The following DAGLB variants were observed in gnomAD, a reference collection of about 807,000 sequenced individuals.
DAGLB encodes diacylglycerol lipase beta.
A neutral mutation model predicts 72.1 loss-of-function variants in DAGLB; 66 were observed. The observed-to-expected ratio is 0.92, with a 90% CI of 0.75 to 1.12. DAGLB has a LOEUF of 1.12. Among genes scored for constraint, DAGLB ranks in the 50% most tolerant of loss-of-function variants. The pLI is 0.00. For synonymous variants in DAGLB, 414 were observed against 359.5 expected (o/e 1.15, Z -1.71); for missense variants, 1,065 against 884.9 (o/e 1.20, Z -2.58).
At position 6,421,634 on chromosome 7, in the gene DAGLB, G is replaced by C. The variant is rs527354169; in HGVS notation, c.1218+93C>G. 116 of 1,279,976 alleles carry C rather than the reference G, an allele frequency of 9.1e-5. 3 individuals are homozygous for C. The East Asian group carries it at 2.5e-3, about 28-fold the overall frequency. 79.3% of individuals were successfully genotyped at this position (1,279,976 alleles called of 1,614,324 possible). A position where few individuals can be genotyped will look rare whatever the true frequency, so the allele number is the denominator to read the frequency against. On this transcript the variant is annotated intron_variant, in intron 9 of 14. Coordinates refer to ENST00000297056, the MANE Select transcript of DAGLB (RefSeq NM_139179.4). ...AGGCGCAGGCAGCGCGGGAGGCGCA[G>C]GCAGCGCGGGCTCTGTGCAGTCCCT...
intron 2 of DAGLB, 111 bp from the exon 3 acceptor site, chr7:6,436,644 G>A (rs764381220): frequency 1.4e-5 from 19 of 1,330,844 alleles, no homozygotes; most frequent in Middle Eastern, 1.8e-4. Flanking sequence ...GTGCACACCC[G>A]CCTCCTGACT....
chr7:6,435,504 T>C lies in DAGLB; in HGVS notation c.420-484A>G, dbSNP rs1312884525. ...CGTCTCAAAGAAAAAAAAAAAAAAG[T>C]TCCTTATGAATCAGTGGTTAACCCA... On this transcript the variant is annotated intron_variant, in intron 3 of 14. Coordinates refer to ENST00000297056, the MANE Select transcript of DAGLB (RefSeq NM_139179.4). 3.9e-5 allele frequency: 6 copies of C among 155,656 alleles called. No homozygotes were observed. The South Asian group carries it at 4.8e-4, about 12-fold the overall frequency. 9.6% of individuals were successfully genotyped at this position (155,656 alleles called of 1,614,324 possible).
Position 6,409,809 on chromosome 7 carries a change from T to C in DAGLB, c.*28A>G. 6.2e-7 allele frequency: 1 copy of C among 1,607,574 alleles called. No individual in the cohort carries two copies. The highest frequency in any genetic ancestry group is 8.5e-7 in the Non-Finnish European group (1 of 1,176,380). On this transcript the variant is annotated 3_prime_UTR_variant, in exon 15 of 15. Coordinates refer to ENST00000297056, the MANE Select transcript of DAGLB (RefSeq NM_139179.4). Reference sequence around the variant, plus strand: ...TAAGGACAAAAGCGTGAGTCCATCGTTCCTGGGACAGTTTCCAGTGGCCCT... The same window carrying C: ...TAAGGACAAAAGCGTGAGTCCATCGCTCCTGGGACAGTTTCCAGTGGCCCT...
In DAGLB at chr7:6,416,640, G is replaced by C. The variant is rs372658615; in HGVS notation, c.1414C>G (p.Arg472Gly). ...QVRCYAFSPP[R>G]GLWSKALQEY... is the part of the protein sequence containing the mutation. ...ACAAAGGCTCACCTCCACAGCCCCCGGGGTGGGGAGAAGGCGTAGCACCTG... is the reference window on the plus strand; with the variant it reads ...ACAAAGGCTCACCTCCACAGCCCCCCGGGTGGGGAGAAGGCGTAGCACCTG... The change falls in exon 11 of 15, where the codon CGG becomes GGG. Residue 472 changes from arginine to glycine, a missense_variant. Coordinates refer to ENST00000297056, the MANE Select transcript of DAGLB (RefSeq NM_139179.4). The C allele has an allele frequency of 5.0e-6, 8 of 1,610,178 alleles. No individual in the cohort carries two copies. Among genetic ancestry groups the C allele is most frequent in the Non-Finnish European group, 5.9e-6 (7 of 1,177,702 alleles).
intron 4 of DAGLB, among the ~76,000 whole-genome samples, chr7:6,434,342 T>G (rs940651670): frequency 3.9e-5 from 6 of 152,124 alleles, no homozygotes; most frequent in African/African-American, 1.4e-4. Flanking sequence ...AAAAGTAGCA[T>G]CGTCGATCAT....
chr7:6,426,703 G>A (rs1042404486), intron 6 of DAGLB, among the ~76,000 whole-genome samples: 1 of 152,186 alleles, frequency 6.6e-6, no homozygotes, highest in Non-Finnish European at 1.5e-5. Flanking sequence ...AAAACTGAAT[G>A]CCAACAGAAG....
In DAGLB at chr7:6,416,655, C is replaced by G; in HGVS notation, c.1399G>C (p.Ala467Pro). 24 of 1,613,180 alleles carry G rather than the reference C, an allele frequency of 1.5e-5. No individual in the cohort carries two copies. The highest frequency in any genetic ancestry group is 2.0e-5 in the Non-Finnish European group (24 of 1,179,578). The change falls in exon 11 of 15, where the codon GCC becomes CCC. Residue 467 changes from alanine (A) to proline (P), a missense_variant. Coordinates refer to ENST00000297056, the MANE Select transcript of DAGLB (RefSeq NM_139179.4). ...RAAYPQVRCY[A>P]FSPPRGLWSK... is the part of the protein sequence containing the mutation. ...CACAGCCCCCGGGGTGGGGAGAAGG[C>G]GTAGCACCTGACCTGCGGGTAGGCG...
At chr7:6,425,336 A>G (rs1050572836) in intron 7 of DAGLB, among the ~76,000 whole-genome samples, 1 of 151,984 alleles carries the variant, frequency 6.6e-6, no homozygotes, top group Non-Finnish European at 1.5e-5. Flanking sequence ...CAATGGCGCA[A>G]TCTCAACTCA....
At chr7:6,423,164 A>T (rs888672403) in intron 8 of DAGLB, among the ~76,000 whole-genome samples, 1 of 152,148 alleles carries the variant, frequency 6.6e-6, no homozygotes, top group Non-Finnish European at 1.5e-5. Context: ...AGGCAGGAGG[A>T]TCACTTGAGC....
In DAGLB at chr7:6,410,293, C is replaced by T; in HGVS notation, c.1657G>A (p.Glu553Lys). The stretch of plus-strand genomic sequence containing the variant: ...CCCAGAAGAGGCTGTGTCAGGACTT[C>T]CTGGTCGCCCCCGTCCAGCTCCGTG... The part of the protein sequence containing the change: ...LPTELDGGDQ[E>K]VLTQPLLGEQ... Residue 553 changes from glutamate (E) to lysine (K), a missense_variant, in exon 14 of 15, where the codon GAA (glutamate) becomes AAA (lysine). Physicochemically the swap from Glu to Lys is moderately conservative, Grantham distance 56. Transcript: ENST00000297056. 6.2e-7 allele frequency: 1 copy of T among 1,613,976 alleles called. No individual in the cohort carries two copies. The highest frequency in any genetic ancestry group is 8.5e-7 in the Non-Finnish European group (1 of 1,179,950).
intron 11 of DAGLB, among the ~76,000 whole-genome samples, chr7:6,414,229 C>G (rs1298962147): frequency 6.6e-6 from 1 of 151,868 alleles, no homozygotes; most frequent in Non-Finnish European, 1.5e-5. Context: ...CCAGGATGGT[C>G]TTGATCTCCT....
chr7:6,446,149 A>T, intron 1 of DAGLB, 45 bp from the exon 2 acceptor site: 2 of 1,571,990 alleles, frequency 1.3e-6, no homozygotes, highest in East Asian at 2.2e-5. Context: ...AAATCCAAGG[A>T]GCTGCTGTGT....
At chr7:6,431,483 T>C (rs1784487112) in intron 5 of DAGLB, among the ~76,000 whole-genome samples, 1 of 151,550 alleles carries the variant, frequency 6.6e-6, no homozygotes, top group Non-Finnish European at 1.5e-5. Flanking sequence ...AAAGATATGA[T>C]AAATGTGGCC....
chr7:6,430,807 C>T (rs1017771790), intron 5 of DAGLB, among the ~76,000 whole-genome samples, 200 bp from the exon 6 acceptor site: 5 of 150,550 alleles, frequency 3.3e-5, no homozygotes, highest in South Asian at 2.1e-4. Flanking sequence ...TTTAGAGTCT[C>T]GCTCTGTCAC....
chr7:6,420,633 C>T (rs183160322), intron 9 of DAGLB, among the ~76,000 whole-genome samples: 15 of 152,172 alleles, frequency 9.9e-5, no homozygotes, highest in Non-Finnish European at 1.5e-4. Flanking sequence ...GGACTGGACA[C>T]GGGTTCACGG....
chr7:6,424,837 T>C lies in DAGLB; in HGVS notation c.1057-2A>G, dbSNP rs772287982. 2 of 1,613,464 alleles carry C rather than the reference T, an allele frequency of 1.2e-6. No homozygotes were observed. The highest frequency in any genetic ancestry group is 1.7e-6 in the Non-Finnish European group (2 of 1,179,594). On this transcript the variant is annotated splice_acceptor_variant, in intron 7 of 14. Transcript: ENST00000297056. LOFTEE classifies it high-confidence loss of function. Reference sequence around the variant, plus strand: ...CACTAAAAACGGCAGCTCGTAAACCTGCAGGAGCAAGAAACAAGCATGGGG... The same window carrying C: ...CACTAAAAACGGCAGCTCGTAAACCCGCAGGAGCAAGAAACAAGCATGGGG...
intron 6 of DAGLB, among the ~76,000 whole-genome samples, chr7:6,428,909 T>C (rs1784395524): frequency 6.6e-6 from 1 of 151,870 alleles, no homozygotes. Flanking sequence ...GGCTCAAGTG[T>C]TTCTCCTGCC....
chr7:6,446,220 G>A (rs914314875), intron 1 of DAGLB, 116 bp from the exon 2 acceptor site: 1 of 1,066,482 alleles, frequency 9.4e-7, no homozygotes, highest in Admixed American at 3.3e-5. Context: ...TGTAATCACA[G>A]CACTTTGGGA....
At chr7:6,442,669 CAATGA>C (rs1784870046) in intron 2 of DAGLB, among the ~76,000 whole-genome samples, 1 of 152,182 alleles carries the variant, frequency 6.6e-6, no homozygotes, top group Non-Finnish European at 1.5e-5. Flanking sequence ...CATCTGGCAC[CAATGA>C]CAGCCTACAT....
Sources: gnomAD v4.1 joint callset for allele counts (sites outside exome capture counted in the v4.1 genomes callset) on GRCh38, gnomAD v4.1.1 for gene constraint, MANE v1.5 for transcripts, NCBI Gene and HGNC (gene_info 2026-07-23, HGNC 2026-07-21) for gene names.